The following NOL4 variants were observed in gnomAD, a reference collection of about 807,000 sequenced individuals.
The protein encoded by NOL4 is nucleolar protein 4, also known as cancer/testis antigen 125.
A neutral mutation model predicts 75.9 loss-of-function variants in NOL4; 17 were observed. That is an observed-to-expected ratio of 0.22 (90% CI 0.15 to 0.34). The LOEUF is 0.34. NOL4 is among the 10% of genes least tolerant of loss of function. The probability of loss-of-function intolerance (pLI) is 1.00; values close to 1 mark genes in which losing one functional copy is unlikely to be tolerated. For missense variants in NOL4, 614 were observed against 793.5 expected, an observed-to-expected ratio of 0.77 and a Z score of 2.72; for synonymous variants, 292 against 289.9, an observed-to-expected ratio of 1.01 and a Z score of -0.07.
intron 6 of NOL4, among the ~76,000 whole-genome samples, chr18:33,992,905 C>G (rs1159789133): frequency 6.6e-6 from 1 of 151,972 alleles, no homozygotes; most frequent in East Asian, 1.9e-4. Context: ...AGCACTTAAT[C>G]TCTTACTAAA....
chr18:34,011,775 T>C (rs1015903679), intron 6 of NOL4, among the ~76,000 whole-genome samples: 3 of 151,912 alleles, frequency 2.0e-5, no homozygotes, highest in Non-Finnish European at 2.9e-5. Flanking sequence ...GGGTCAATTT[T>C]CTTTGTTTTG....
chr18:34,002,428 C>T lies in NOL4; in HGVS notation c.1056+16890G>A, dbSNP rs144784977. ...TAGCTCCTACGCATTCTTTAGTTTC[C>T]TAATGAGATATTATACCTTCTGGAG... On this transcript the variant is annotated intron_variant, in intron 6 of 10. Transcript: ENST00000261592. Among the ~76,000 whole-genome samples the T allele has an allele frequency of 4.9e-3, 746 of 152,146 alleles. 7 individuals carry two copies. The highest frequency in any genetic ancestry group is 8.8e-3 in the Non-Finnish European group (598 of 67,982).
At chr18:34,169,476 A>AC (rs1223382240) in intron 1 of NOL4, among the ~76,000 whole-genome samples, 1 of 151,842 alleles carries the variant, frequency 6.6e-6, no homozygotes, top group African/African-American at 2.4e-5. Context: ...GAAAAAAAAA[A>AC]AAAACAGCAA....
chr18:33,966,814 T>C (rs944043683), intron 6 of NOL4, among the ~76,000 whole-genome samples: 3 of 152,056 alleles, frequency 2.0e-5, no homozygotes, highest in East Asian at 1.9e-4. Flanking sequence ...AGAGTACTAC[T>C]TAAAGAAATC....
chr18:34,124,247 A>G (rs1251119846), intron 2 of NOL4, among the ~76,000 whole-genome samples: 1 of 152,218 alleles, frequency 6.6e-6, no homozygotes, highest in African/African-American at 2.4e-5. Context: ...TGCTTCAAAG[A>G]CAATCTATAC....
intron 6 of NOL4, among the ~76,000 whole-genome samples, chr18:34,008,043 A>G (rs979546469): frequency 2.6e-5 from 4 of 152,042 alleles, no homozygotes; most frequent in Non-Finnish European, 5.9e-5. Flanking sequence ...GAAGAATATC[A>G]CCTTCACCAA....
At chr18:34,080,984 T>A (rs907860436) in intron 5 of NOL4, among the ~76,000 whole-genome samples, 8 of 152,196 alleles carry the variant, frequency 5.3e-5, no homozygotes, top group Admixed American at 5.2e-4. Flanking sequence ...ATTTATAAAA[T>A]TTTCATACCC....
chr18:33,885,659 G>A (rs2064594388), intron 9 of NOL4, among the ~76,000 whole-genome samples: 1 of 152,118 alleles, frequency 6.6e-6, no homozygotes, highest in South Asian at 2.1e-4. Flanking sequence ...ATATCAAAAA[G>A]ACAGGAAATA....
intron 5 of NOL4, among the ~76,000 whole-genome samples, chr18:34,025,046 A>G (rs1331101533): frequency 6.6e-6 from 1 of 152,188 alleles, no homozygotes. Flanking sequence ...AAAGATGACT[A>G]ACAGCCCTCA....
intron 7 of NOL4, among the ~76,000 whole-genome samples, 189 bp from the exon 8 acceptor site, chr18:33,957,706 T>G (rs1468614467): frequency 6.6e-6 from 1 of 151,818 alleles, no homozygotes; most frequent in Non-Finnish European, 1.5e-5. Context: ...GATTAAAAAA[T>G]AGAGAGAAAA....
At position 34,215,023 on chromosome 18, in the gene NOL4, G is replaced by A. The variant is rs1217250222; in HGVS notation, c.264+7967C>T. On this transcript the variant is annotated intron_variant, in intron 1 of 10. Coordinates refer to ENST00000261592, the MANE Select transcript of NOL4 (RefSeq NM_003787.5). ...CCAAGTGATGGAGAGAAAGGAAAAA[G>A]GGGAACTGTTGTATAATATAGTTTC... is the stretch of plus-strand genomic sequence containing the variant. 2.6e-5 allele frequency among the ~76,000 whole-genome samples: 4 copies of A among 152,248 alleles called. No individual in the cohort carries two copies. The South Asian group carries it at 8.3e-4, about 32-fold the overall frequency.
chr18:34,182,260 G>T (rs1378603373), intron 1 of NOL4, among the ~76,000 whole-genome samples: 1 of 151,594 alleles, frequency 6.6e-6, no homozygotes, highest in Admixed American at 6.6e-5. Flanking sequence ...ACTATAACAT[G>T]CCTGAAACTT....
chr18:33,860,959 C>A, intron 10 of NOL4, among the ~76,000 whole-genome samples: 1 of 152,154 alleles, frequency 6.6e-6, no homozygotes, highest in Non-Finnish European at 1.5e-5. Context: ...TATATTGAAC[C>A]AGACTTGCAT....
At position 34,202,858 on chromosome 18, in the gene NOL4, T is replaced by A. The variant is rs528847712; in HGVS notation, c.264+20132A>T. Among the ~76,000 whole-genome samples, 5 of 152,038 alleles carry A rather than the reference T, an allele frequency of 3.3e-5. No individual in the cohort carries two copies. In the East Asian group the frequency reaches 9.7e-4, roughly 29 times the overall value. The stretch of plus-strand genomic sequence containing the variant: ...ATATATAGCTGGTAGGAAAGTAAAA[T>A]GGTACAGACACTCTGGTAAACAATT... On this transcript the variant is annotated intron_variant, in intron 1 of 10. Coordinates refer to ENST00000261592, the MANE Select transcript of NOL4 (RefSeq NM_003787.5).
intron 9 of NOL4, among the ~76,000 whole-genome samples, chr18:33,941,404 G>T (rs190609661): frequency 1.3e-5 from 2 of 151,904 alleles, no homozygotes; most frequent in Non-Finnish European, 2.9e-5. Context: ...ACAACCAGGA[G>T]AGCCCTTTTA....
rs118163304 is a variant in NOL4 at position 34,180,536 on chromosome 18, T to C, written c.264+42454A>G. 5.6e-4 allele frequency among the ~76,000 whole-genome samples: 84 copies of C among 151,216 alleles called. No individual in the cohort carries two copies. The East Asian group carries it at 0.015, about 27-fold the overall frequency. On this transcript the variant is annotated intron_variant, in intron 1 of 10. Coordinates refer to ENST00000261592, the MANE Select transcript of NOL4 (RefSeq NM_003787.5). ...CCAACAAGTAACATTAAGCATAATATCCCCCCAAGATCAGGAAGGAGACAA... is the reference window on the plus strand; with the variant it reads ...CCAACAAGTAACATTAAGCATAATACCCCCCCAAGATCAGGAAGGAGACAA...
intron 1 of NOL4, among the ~76,000 whole-genome samples, chr18:34,141,228 G>C (rs2081143011): frequency 6.6e-6 from 1 of 152,136 alleles, no homozygotes; most frequent in Non-Finnish European, 1.5e-5. Context: ...TGGATAGGAA[G>C]AATCAATATC....
intron 8 of NOL4, among the ~76,000 whole-genome samples, chr18:33,951,916 G>A (rs1197244724): frequency 6.6e-6 from 1 of 152,074 alleles, no homozygotes; most frequent in Non-Finnish European, 1.5e-5. Flanking sequence ...TAAAATGCAT[G>A]TATCCTGAAC....
chr18:33,979,910 T>C lies in NOL4; in HGVS notation c.1057-21492A>G, dbSNP rs1031605111. On this transcript the variant is annotated intron_variant, in intron 6 of 10. Transcript: ENST00000261592. ...AATTAGATATTGCTTCTGACCTGCC[T>C]CATAAGAAAGCAATTTTAATGAATT... 3.9e-5 allele frequency among the ~76,000 whole-genome samples: 6 copies of C among 152,032 alleles called. No homozygotes were observed. In the South Asian group the frequency reaches 1.2e-3, roughly 32 times the overall value.
Sources: allele counts gnomAD v4.1 joint callset (sites outside exome capture counted in the v4.1 genomes callset), GRCh38; gene constraint gnomAD v4.1.1; transcripts MANE v1.5; gene names NCBI Gene and HGNC (gene_info 2026-07-23, HGNC 2026-07-21).